ILDR2: variants seen among roughly 807,000 people sequenced by gnomAD.
ILDR2 encodes immunoglobulin-like domain-containing receptor 2.
Under a neutral mutation model 66.8 loss-of-function variants are expected in ILDR2, and 25 were observed. The ratio of observed to expected loss-of-function variants is 0.37; its 90% CI spans 0.27 to 0.52. The LOEUF is 0.52. Ranked by LOEUF, ILDR2 falls within the 20% of genes least tolerant of loss-of-function variation. The pLI, the probability that ILDR2 is intolerant of heterozygous loss-of-function variation, is 0.88. For missense variants in ILDR2, 827 were observed against 876.8 expected, an observed-to-expected ratio of 0.94 and a Z score of 0.72; for synonymous variants, 367 against 357.2, an observed-to-expected ratio of 1.03 and a Z score of -0.31.
intron 6 of ILDR2, among the ~76,000 whole-genome samples, chr1:166,934,510 C>T (rs1202646097): frequency 6.6e-6 from 1 of 152,186 alleles, no homozygotes; most frequent in Non-Finnish European, 1.5e-5. Context: ...CTACTGTCTC[C>T]CACTTGCCAC....
At chr1:166,951,604 A>C (rs1231522105) in intron 3 of ILDR2, among the ~76,000 whole-genome samples, 3 of 152,180 alleles carry the variant, frequency 2.0e-5, no homozygotes, top group Admixed American at 2.0e-4. Flanking sequence ...AAATTTTTAC[A>C]ATAAGCATGT....
At chr1:166,904,940 C>T (rs1350040714), downstream of ILDR2, among the ~76,000 whole-genome samples, 1 of 151,942 alleles carries the variant, frequency 6.6e-6, no homozygotes, top group African/African-American at 2.4e-5. Context: ...GACACCTCCT[C>T]AAAAAAACTG....
intron 4 of ILDR2, among the ~76,000 whole-genome samples, chr1:166,938,536 C>T (rs1471640315): frequency 6.6e-6 from 1 of 152,060 alleles, no homozygotes; most frequent in Non-Finnish European, 1.5e-5. Flanking sequence ...ACATTTGTGT[C>T]CTTGGGAGCA....
In ILDR2 at chr1:166,919,263, GAGA is replaced by G; in HGVS notation, c.*89_*91del. 1 of 1,211,104 alleles carries G rather than the reference GAGA, an allele frequency of 8.3e-7. No homozygotes were observed. Among genetic ancestry groups the G allele is most frequent in the South Asian group, 1.3e-5 (1 of 77,178 alleles). The allele number at this position is 1,211,104 out of a possible 1,614,324, so 75.0% of individuals were successfully genotyped here. A position where few individuals can be genotyped will look rare whatever the true frequency, so the allele number is the denominator to read the frequency against. ...AGCAAATCTTCCAAGGTGATGGCCA[GAGA>G]AGGTCCTGGGCCTGCTGGTTCTTAG... On this transcript the variant is annotated 3_prime_UTR_variant, in exon 10 of 10. Coordinates refer to ENST00000271417, the MANE Select transcript of ILDR2 (RefSeq NM_199351.3).
Position 166,911,899 on chromosome 1 carries a change from A to G in ILDR2, c.*7456T>C, listed in dbSNP as rs947169605. On this transcript the variant is annotated 3_prime_UTR_variant, in exon 10 of 10. Coordinates refer to ENST00000271417, the MANE Select transcript of ILDR2 (RefSeq NM_199351.3). ...TAGATTAAACAATATGGGGCATAGA[A>G]TGAAAAAAAATCTAACAATTGGAAT... 1 of 152,052 alleles carries G rather than the reference A, an allele frequency of 6.6e-6. No individual in the cohort carries two copies. Among genetic ancestry groups the G allele is most frequent in the Non-Finnish European group, 1.5e-5 (1 of 67,958 alleles). 9.4% of individuals were successfully genotyped at this position (152,052 alleles called of 1,614,324 possible).
At chr1:166,942,948 A>G (rs949430630) in intron 3 of ILDR2, among the ~76,000 whole-genome samples, 4 of 152,206 alleles carry the variant, frequency 2.6e-5, no homozygotes, top group Non-Finnish European at 5.9e-5. Context: ...GTGATTCACA[A>G]AGCTTTTCAC....
Position 166,921,024 on chromosome 1 carries a change from TG to T in ILDR2, c.1566del (p.Lys523AsnfsTer77). 2 of 1,514,940 alleles carry T rather than the reference TG, an allele frequency of 1.3e-6. No individual in the cohort carries two copies. Among genetic ancestry groups the T allele is most frequent in the Non-Finnish European group, 1.8e-6 (2 of 1,142,828 alleles). 93.8% of individuals were successfully genotyped at this position (1,514,940 alleles called of 1,614,324 possible). A position where few individuals can be genotyped will look rare whatever the true frequency, so the allele number is the denominator to read the frequency against. ...CTGCCCAGGTACGAGTGGTCGTATT[TG>T]GGTGCGGTGCCTGGCGTGCGGCTCA... The part of the protein sequence containing the change: ...RLVSRTPGTA[P>X]KYDHSYLGSA... On this transcript the variant is annotated frameshift_variant, in exon 9 of 10. Coordinates refer to ENST00000271417, the MANE Select transcript of ILDR2 (RefSeq NM_199351.3). LOFTEE classifies it high-confidence loss of function. This position sits in a 1 kb window ranked among gnomAD's most constrained non-coding sequence, Gnocchi z 5.3.
In ILDR2 at chr1:166,909,781, T is replaced by TATATATAAATATA. The variant is rs1557921377; in HGVS notation, c.*9573_*9574insTATATTTATATAT. 1.6e-5 allele frequency: 1 copy of TATATATAAATATA among 64,244 alleles called. No individual in the cohort carries two copies. Among genetic ancestry groups the TATATATAAATATA allele is most frequent in the African/African-American group, 6.9e-5 (1 of 14,426 alleles). 4.0% of individuals were successfully genotyped at this position (64,244 alleles called of 1,614,324 possible). On this transcript the variant is annotated 3_prime_UTR_variant, in exon 10 of 10. Coordinates refer to ENST00000271417, the MANE Select transcript of ILDR2 (RefSeq NM_199351.3). Reference sequence around the variant, plus strand: ...TATAAATATATATAAATATATATATTTATATATATATATATATATATATAT... The same window carrying TATATATAAATATA: ...TATAAATATATATAAATATATATATTATATATAAATATATATATATATATATATATATATATAT...
At chr1:166,900,070 T>C (rs1036554572) in intron 2 of ILDR2, among the ~76,000 whole-genome samples, 1 of 152,194 alleles carries the variant, frequency 6.6e-6, no homozygotes, top group Non-Finnish European at 1.5e-5. Context: ...AATGTCAGTA[T>C]ATATCTCTCT....
rs1358446389 is a variant in ILDR2, at chr1:166,913,586, A to T, written c.*5769T>A. On this transcript the variant is annotated 3_prime_UTR_variant, in exon 10 of 10. Coordinates refer to ENST00000271417, the MANE Select transcript of ILDR2 (RefSeq NM_199351.3). ...CACCAAGAAACTCTAAGAAAAATTT[A>T]GCTAAACTACTATATCTTTTTCCTT... is the stretch of plus-strand genomic sequence containing the variant. The T allele has an allele frequency of 6.6e-6, 1 of 152,164 alleles. No homozygotes were observed. Among genetic ancestry groups the T allele is most frequent in the Non-Finnish European group, 1.5e-5 (1 of 68,032 alleles). 9.4% of individuals were successfully genotyped at this position (152,164 alleles called of 1,614,324 possible).
intron 2 of ILDR2, among the ~76,000 whole-genome samples, chr1:166,901,899 G>C (rs1019730981): frequency 6.6e-6 from 1 of 152,182 alleles, no homozygotes; most frequent in Non-Finnish European, 1.5e-5. Flanking sequence ...GTGCCAGAGA[G>C]ATTTTAGCTG....
chr1:166,970,536 A>T (rs1663223705), intron 1 of ILDR2, among the ~76,000 whole-genome samples: 1 of 152,208 alleles, frequency 6.6e-6, no homozygotes, highest in African/African-American at 2.4e-5. Flanking sequence ...ACCCATGGTT[A>T]TACAGTGATT....
At chr1:166,968,779 C>A (rs928281276) in intron 1 of ILDR2, among the ~76,000 whole-genome samples, 4 of 152,046 alleles carry the variant, frequency 2.6e-5, no homozygotes, top group African/African-American at 7.2e-5. Flanking sequence ...ACTGTGAGAA[C>A]AAAATGCTCA....
In ILDR2 at chr1:166,913,967, T is replaced by G. The variant is rs1659542739; in HGVS notation, c.*5388A>C. The G allele has an allele frequency of 6.6e-6, 1 of 151,794 alleles. No homozygotes were observed. The highest frequency in any genetic ancestry group is 1.5e-5 in the Non-Finnish European group (1 of 67,986). 9.4% of individuals were successfully genotyped at this position (151,794 alleles called of 1,614,324 possible). ...CCCCATCTCTACAAACAAACAAAAT[T>G]TGCTGGACGTGGTGGCATATATCTG... On this transcript the variant is annotated 3_prime_UTR_variant, in exon 10 of 10. Coordinates refer to ENST00000271417, the MANE Select transcript of ILDR2 (RefSeq NM_199351.3).
intron 1 of ILDR2, among the ~76,000 whole-genome samples, chr1:166,963,441 A>G (rs1252414226): frequency 1.3e-5 from 2 of 152,216 alleles, no homozygotes; most frequent in Admixed American, 6.5e-5. Context: ...AGCAGGTGAC[A>G]GTTTAGGTTT....
In ILDR2 at chr1:166,936,817, T is replaced by C; in HGVS notation, c.557-80A>G. ...GTGCACTTTGATTGGCATCTCCCGG[T>C]GAAAGGGGGAGAGGAGGAGGGACCT... is the stretch of plus-strand genomic sequence containing the variant. On this transcript the variant is annotated intron_variant, in intron 4 of 9. Coordinates refer to ENST00000271417, the MANE Select transcript of ILDR2 (RefSeq NM_199351.3). This position sits in a 1 kb window ranked among gnomAD's most constrained non-coding sequence, Gnocchi z 5.0. The C allele has an allele frequency of 7.1e-7, 1 of 1,405,422 alleles. No individual in the cohort carries two copies. The highest frequency in any genetic ancestry group is 9.9e-7 in the Non-Finnish European group (1 of 1,005,670). The allele number at this position is 1,405,422 out of a possible 1,614,324, so 87.1% of individuals were successfully genotyped here.
chr1:166,964,851 C>T (rs1456845412), intron 1 of ILDR2, among the ~76,000 whole-genome samples: 1 of 152,206 alleles, frequency 6.6e-6, no homozygotes, highest in African/African-American at 2.4e-5. Context: ...ATAACAAACA[C>T]AGACTCTAAG....
At chr1:166,965,713 C>G (rs997687564) in intron 1 of ILDR2, among the ~76,000 whole-genome samples, 2 of 150,836 alleles carry the variant, frequency 1.3e-5, no homozygotes, top group Admixed American at 1.3e-4. Context: ...GCTGGGACTA[C>G]AGGTGCGTGC....
intron 1 of ILDR2, among the ~76,000 whole-genome samples, chr1:166,960,659 C>A (rs553231067): frequency 6.6e-6 from 1 of 152,208 alleles, no homozygotes; most frequent in South Asian, 2.1e-4. Flanking sequence ...TCTTGATAAC[C>A]ATACATCACC....
Sources: allele counts gnomAD v4.1 joint callset (sites outside exome capture counted in the v4.1 genomes callset), GRCh38; gene constraint gnomAD v4.1.1; non-coding constraint Gnocchi (gnomAD v3.1); transcripts MANE v1.5; gene names NCBI Gene and HGNC (gene_info 2026-07-23, HGNC 2026-07-21).